The following SHROOM3 variants were observed in gnomAD, a reference collection of about 807,000 sequenced individuals.
SHROOM3 encodes shroom family member 3.
A neutral mutation model predicts 138.6 loss-of-function variants in SHROOM3; 47 were observed. That is an observed-to-expected ratio of 0.34 (90% CI 0.27 to 0.43). The LOEUF is 0.43. Among genes scored for constraint, SHROOM3 ranks in the 20% least tolerant of loss-of-function variants. The probability of loss-of-function intolerance (pLI) is 1.00; values close to 1 mark genes in which losing one functional copy is unlikely to be tolerated. For synonymous variants in SHROOM3, 1,062 were observed against 1,063.3 expected (o/e 1.00, Z 0.02); for missense variants, 2,491 against 2,596.5 (o/e 0.96, Z 0.88).
At chr4:76,712,251 G>A (rs1382954660) in intron 3 of SHROOM3, among the ~76,000 whole-genome samples, 1 of 152,132 alleles carries the variant, frequency 6.6e-6, no homozygotes, top group African/African-American at 2.4e-5. Context: ...GATAAATTTA[G>A]GGAGGCAGAA....
chr4:76,540,183 G>A (rs1231943717), intron 1 of SHROOM3, among the ~76,000 whole-genome samples: 1 of 152,184 alleles, frequency 6.6e-6, no homozygotes, highest in Non-Finnish European at 1.5e-5. Flanking sequence ...GAAAATGTTG[G>A]TAGCTCACTG....
At chr4:76,622,951 G>T (rs551770225) in intron 2 of SHROOM3, among the ~76,000 whole-genome samples, 16 of 152,244 alleles carry the variant, frequency 1.1e-4, no homozygotes, top group African/African-American at 3.4e-4. Flanking sequence ...AGTTATCTGG[G>T]TTCCTGAGTG....
chr4:76,767,225 C>A (rs933100594), intron 9 of SHROOM3, among the ~76,000 whole-genome samples: 1 of 152,170 alleles, frequency 6.6e-6, no homozygotes, highest in Admixed American at 6.5e-5. Flanking sequence ...TGTTGCTGAT[C>A]TGCTTAGGTG....
intron 2 of SHROOM3, among the ~76,000 whole-genome samples, chr4:76,593,453 T>A (rs78233032): frequency 0.017 from 2,662 of 152,270 alleles, 72 homozygotes; most frequent in African/African-American, 0.062. Flanking sequence ...TTAATATAAA[T>A]CTGAAAGAAT....
intron 2 of SHROOM3, among the ~76,000 whole-genome samples, chr4:76,667,686 T>C (rs966705240): frequency 6.6e-6 from 1 of 151,756 alleles, no homozygotes; most frequent in Non-Finnish European, 1.5e-5. Context: ...TTAAAATTGT[T>C]GCTTGGGCGC....
Position 76,482,211 on chromosome 4 carries a change from A to G in SHROOM3, c.168+45991A>G, listed in dbSNP as rs188676600. Among the ~76,000 whole-genome samples the G allele has an allele frequency of 4.6e-5, 7 of 152,294 alleles. No homozygotes were observed. In the East Asian group the frequency reaches 1.3e-3, roughly 29 times the overall value. Reference sequence around the variant, plus strand: ...ATTCAAATAAGAAGAGAGGAAGTCAAATTGTCTCCGTTTGCAGATGACATG... The same window carrying G: ...ATTCAAATAAGAAGAGAGGAAGTCAGATTGTCTCCGTTTGCAGATGACATG... On this transcript the variant is annotated intron_variant, in intron 1 of 10. Transcript: ENST00000296043.
chr4:76,717,309 C>T (rs1720402751), intron 3 of SHROOM3, among the ~76,000 whole-genome samples: 1 of 152,068 alleles, frequency 6.6e-6, no homozygotes, highest in Admixed American at 6.6e-5. Context: ...AACTGACATA[C>T]CTAGGTGTAG....
chr4:76,667,676 T>C (rs1293968939), intron 2 of SHROOM3, among the ~76,000 whole-genome samples: 3 of 151,742 alleles, frequency 2.0e-5, no homozygotes, highest in Non-Finnish European at 2.9e-5. Flanking sequence ...GAAGATGTTA[T>C]TAAAATTGTT....
chr4:76,773,484 G>A (rs1441222204), intron 10 of SHROOM3, among the ~76,000 whole-genome samples: 6 of 152,082 alleles, frequency 3.9e-5, no homozygotes, highest in African/African-American at 1.4e-4. Context: ...GAAGGATTAA[G>A]GGGGAAACCA....
chr4:76,507,867 G>A (rs545863410), intron 1 of SHROOM3, among the ~76,000 whole-genome samples: 2 of 152,050 alleles, frequency 1.3e-5, no homozygotes, highest in East Asian at 1.9e-4. Flanking sequence ...TCTTCTTATC[G>A]GAAATGTCTA....
At chr4:76,570,763 C>G (rs958091021) in intron 2 of SHROOM3, among the ~76,000 whole-genome samples, 1 of 152,210 alleles carries the variant, frequency 6.6e-6, no homozygotes, top group African/African-American at 2.4e-5. Context: ...TTCAGGACAG[C>G]CCTGCAACAG....
At chr4:76,436,947 T>G (rs1327068144) in intron 1 of SHROOM3, among the ~76,000 whole-genome samples, 4 of 152,250 alleles carry the variant, frequency 2.6e-5, no homozygotes, top group Non-Finnish European at 5.9e-5. Context: ...GAGTATTTAA[T>G]AGTCTGATAC....
intron 1 of SHROOM3, among the ~76,000 whole-genome samples, chr4:76,447,518 T>C (rs1009642617): frequency 6.6e-6 from 1 of 152,166 alleles, no homozygotes; most frequent in African/African-American, 2.4e-5. Flanking sequence ...ATTCCAGAAA[T>C]AAATATACAT....
Position 76,782,968 on chromosome 4 carries a change from A to G in SHROOM3, c.*3791A>G, listed in dbSNP as rs947757874. 2 of 152,196 alleles carry G rather than the reference A, an allele frequency of 1.3e-5. No individual in the cohort carries two copies. Among genetic ancestry groups the G allele is most frequent in the East Asian group, 3.8e-4 (2 of 5,200 alleles). 9.4% of individuals were successfully genotyped at this position (152,196 alleles called of 1,614,324 possible). A position where few individuals can be genotyped will look rare whatever the true frequency, so the allele number is the denominator to read the frequency against. Reference sequence around the variant, plus strand: ...TTCAGAAACTAAATAATGGTTTCTCAAAGTGTGGTCAGGATACGATCTGCA... The same window carrying G: ...TTCAGAAACTAAATAATGGTTTCTCGAAGTGTGGTCAGGATACGATCTGCA... On this transcript the variant is annotated 3_prime_UTR_variant, in exon 11 of 11. Transcript: ENST00000296043.
intron 2 of SHROOM3, among the ~76,000 whole-genome samples, chr4:76,617,582 G>C (rs373950602): frequency 3.3e-5 from 5 of 152,250 alleles, no homozygotes; most frequent in African/African-American, 1.2e-4. Context: ...CAACTTTGTA[G>C]ACTTATGCTA....
intron 2 of SHROOM3, among the ~76,000 whole-genome samples, chr4:76,561,893 C>A (rs1733604894): frequency 6.6e-6 from 1 of 151,906 alleles, no homozygotes; most frequent in African/African-American, 2.4e-5. Flanking sequence ...CCCCTGTAAT[C>A]CCAGCTACTC....
intron 1 of SHROOM3, among the ~76,000 whole-genome samples, chr4:76,548,510 T>C (rs1560541667): frequency 6.6e-6 from 1 of 152,210 alleles, no homozygotes; most frequent in Non-Finnish European, 1.5e-5. Flanking sequence ...GACATAGGCA[T>C]CCACCACTCT....
Position 76,770,886 on chromosome 4 carries a change from T to C in SHROOM3, c.5610T>C (p.Ser1870=). Residue 1870 remains serine (S), a synonymous_variant, in exon 10 of 11, where the codon AGT becomes AGC. Coordinates refer to ENST00000296043, the MANE Select transcript of SHROOM3 (RefSeq NM_020859.4). ...NVLSGLGEDA[S]NEERSSLYEK... is the part of the protein sequence containing the mutation. The stretch of plus-strand genomic sequence containing the variant: ...TTAGCGGCCTTGGTGAAGATGCCAG[T>C]AATGAAGAAAGGGTAGGTGGCCTAG... 2 of 1,614,148 alleles carry C rather than the reference T, an allele frequency of 1.2e-6. No homozygotes were observed. The highest frequency in any genetic ancestry group is 1.7e-6 in the Non-Finnish European group (2 of 1,180,028).
chr4:76,511,840 G>T (rs1280894352), intron 1 of SHROOM3, among the ~76,000 whole-genome samples: 1 of 152,186 alleles, frequency 6.6e-6, no homozygotes, highest in African/African-American at 2.4e-5. Context: ...GGCTGGAAAA[G>T]GATGGTGAGA....
Sources: allele counts gnomAD v4.1 joint callset (sites outside exome capture counted in the v4.1 genomes callset), GRCh38; gene constraint gnomAD v4.1.1; transcripts MANE v1.5; gene names NCBI Gene and HGNC (gene_info 2026-07-23, HGNC 2026-07-21).